SEMA6D: variants seen among roughly 807,000 people sequenced by gnomAD.
SEMA6D encodes the protein semaphorin-6D.
A neutral mutation model predicts 106.6 loss-of-function variants in SEMA6D; 35 were observed. The observed-to-expected ratio is 0.33, with a 90% confidence interval of 0.25 to 0.44. The LOEUF (loss-of-function observed/expected upper bound fraction) is 0.44. Ranked by LOEUF, SEMA6D falls within the 20% of genes least tolerant of loss-of-function variation. The probability of loss-of-function intolerance (pLI) is 1.00; values close to 1 mark genes in which losing one functional copy is unlikely to be tolerated. For synonymous variants in SEMA6D, 499 were observed against 487.7 expected, an observed-to-expected ratio of 1.02 and a Z score of -0.31; for missense variants, 1,185 against 1,345.9, an observed-to-expected ratio of 0.88 and a Z score of 1.87.
chr15:47,263,049 C>T (rs762229979), intron 1 of SEMA6D, among the ~76,000 whole-genome samples: 14 of 152,012 alleles, frequency 9.2e-5, no homozygotes, highest in Non-Finnish European at 1.3e-4. Flanking sequence ...AAAATCAACT[C>T]CAGGTGGATT....
chr15:47,448,288 GCTGA>G (rs2042087787), intron 2 of SEMA6D, among the ~76,000 whole-genome samples: 1 of 152,122 alleles, frequency 6.6e-6, no homozygotes, highest in Non-Finnish European at 1.5e-5. Context: ...ATGGAGAAGA[GCTGA>G]CTATTTTCCA....
chr15:47,286,553 C>T (rs2142708074), intron 1 of SEMA6D, among the ~76,000 whole-genome samples: 1 of 152,084 alleles, frequency 6.6e-6, no homozygotes, highest in Non-Finnish European at 1.5e-5. Flanking sequence ...AAATTTCTTT[C>T]ATATTAATAT....
At chr15:47,533,769 A>C (rs1054677885) in intron 3 of SEMA6D, among the ~76,000 whole-genome samples, 4 of 152,186 alleles carry the variant, frequency 2.6e-5, no homozygotes, top group African/African-American at 9.7e-5. Context: ...GGCTTCTTAG[A>C]TGGATGGAGG....
Position 47,492,944 on chromosome 15 carries a change from C to T in SEMA6D, c.-87+22399C>T, listed in dbSNP as rs190505382. 7.2e-5 allele frequency among the ~76,000 whole-genome samples: 11 copies of T among 152,090 alleles called. No homozygotes were observed. In the East Asian group the frequency reaches 1.2e-3, roughly 16 times the overall value. Reference sequence around the variant, plus strand: ...TTGGGGTATTAAATTCTTCCATATCCGTTACCAAGGTCCTCTGAGCAGGAC... The same window carrying T: ...TTGGGGTATTAAATTCTTCCATATCTGTTACCAAGGTCCTCTGAGCAGGAC... On this transcript the variant is annotated intron_variant, in intron 3 of 19. Coordinates refer to the SEMA6D transcript ENST00000558014.
chr15:47,500,672 C>G (rs1054032720), intron 3 of SEMA6D, among the ~76,000 whole-genome samples: 3 of 152,108 alleles, frequency 2.0e-5, no homozygotes, highest in Non-Finnish European at 4.4e-5. Context: ...TGATGTGGGA[C>G]CCAGGTAGTT....
At chr15:47,478,637 G>C (rs538198868) in intron 3 of SEMA6D, among the ~76,000 whole-genome samples, 1 of 152,290 alleles carries the variant, frequency 6.6e-6, no homozygotes, top group South Asian at 2.1e-4. Context: ...ACCAAAAACA[G>C]CCTTCAGAAA....
At chr15:47,760,104 C>A in intron 2 of SEMA6D, 197 bp downstream of exon 2, 2 of 629,470 alleles carry the variant, frequency 3.2e-6, no homozygotes, top group Non-Finnish European at 5.5e-6. Flanking sequence ...TCTACAGCAA[C>A]CTGTATATAG....
chr15:47,445,581 T>C (rs1332303810), intron 2 of SEMA6D, among the ~76,000 whole-genome samples: 1 of 152,072 alleles, frequency 6.6e-6, no homozygotes, highest in Non-Finnish European at 1.5e-5. Flanking sequence ...TGATTTAACA[T>C]AGAATTTTTC....
chr15:47,636,815 G>A (rs1181874292), intron 4 of SEMA6D, among the ~76,000 whole-genome samples: 10 of 152,150 alleles, frequency 6.6e-5, no homozygotes, highest in Admixed American at 2.0e-4. Context: ...AACCCTACCC[G>A]ATGCATGTAA....
At chr15:47,520,093 C>T (rs2044522282) in intron 3 of SEMA6D, among the ~76,000 whole-genome samples, 1 of 152,168 alleles carries the variant, frequency 6.6e-6, no homozygotes, top group African/African-American at 2.4e-5. Flanking sequence ...ACAGAATCCT[C>T]AGGTCTCTGT....
intron 3 of SEMA6D, among the ~76,000 whole-genome samples, chr15:47,566,321 C>T (rs1596329599): frequency 1.3e-5 from 2 of 152,190 alleles, no homozygotes; most frequent in Admixed American, 6.5e-5. Context: ...GAGGGAGATT[C>T]CTTCTTCCAG....
chr15:47,753,081 C>T (rs980349253), intron 1 of SEMA6D, among the ~76,000 whole-genome samples: 1 of 151,760 alleles, frequency 6.6e-6, no homozygotes, highest in Non-Finnish European at 1.5e-5. Flanking sequence ...AGGAAGCTCC[C>T]ATGTTACAGC....
At chr15:47,399,754 T>G (rs1382024310) in intron 1 of SEMA6D, among the ~76,000 whole-genome samples, 1 of 152,196 alleles carries the variant, frequency 6.6e-6, no homozygotes, top group Admixed American at 6.5e-5. Context: ...ATAATTATAT[T>G]ATCTCACTCA....
At chr15:47,562,558 A>G (rs1187101459) in intron 3 of SEMA6D, among the ~76,000 whole-genome samples, 1 of 152,128 alleles carries the variant, frequency 6.6e-6, no homozygotes, top group Non-Finnish European at 1.5e-5. Flanking sequence ...AATAGACATC[A>G]TACCTAAAAA....
In SEMA6D at chr15:47,192,593, ATAAC is replaced by A. The variant is rs75708059; in HGVS notation, c.-239+8178_-239+8181del. On this transcript the variant is annotated intron_variant, in intron 1 of 19. Coordinates refer to the SEMA6D transcript ENST00000558014. ...CATTAAAAAGCATTTTTTTCAAAGAATAACTATTGATAAGGTAAAAATGAATGAT... is the reference window on the plus strand; with the variant it reads ...CATTAAAAAGCATTTTTTTCAAAGAATATTGATAAGGTAAAAATGAATGAT... Among the ~76,000 whole-genome samples, 385 of 152,300 alleles carry A rather than the reference ATAAC, an allele frequency of 2.5e-3. 4 individuals carry two copies. The highest frequency in any genetic ancestry group is 4.3e-3 in the Non-Finnish European group (291 of 68,024).
chr15:47,688,350 C>T (rs983895448), intron 4 of SEMA6D, among the ~76,000 whole-genome samples: 5 of 151,786 alleles, frequency 3.3e-5, no homozygotes, highest in East Asian at 3.9e-4. Context: ...GGCTGAAAAC[C>T]GAGATAAAAC....
chr15:47,290,252 C>G (rs1329881050), intron 1 of SEMA6D, among the ~76,000 whole-genome samples: 1 of 152,142 alleles, frequency 6.6e-6, no homozygotes, highest in Non-Finnish European at 1.5e-5. Context: ...TTTGGCAAAT[C>G]AGTTACTAAA....
intron 3 of SEMA6D, among the ~76,000 whole-genome samples, chr15:47,494,025 G>A (rs1181820662): frequency 1.3e-5 from 2 of 152,174 alleles, no homozygotes. Flanking sequence ...TTATGCATAT[G>A]TGTCACATTT....
intron 1 of SEMA6D, among the ~76,000 whole-genome samples, chr15:47,205,278 A>T (rs1015694268): frequency 1.3e-5 from 2 of 152,168 alleles, no homozygotes; most frequent in African/African-American, 4.8e-5. Flanking sequence ...ATGAATTTTG[A>T]AAATTTGATG....
Sources: gnomAD v4.1 joint callset for allele counts (sites outside exome capture counted in the v4.1 genomes callset) on GRCh38, gnomAD v4.1.1 for gene constraint, MANE v1.5 for transcripts, NCBI Gene and HGNC (gene_info 2026-07-23, HGNC 2026-07-21) for gene names.